The following CNTN4 variants were observed in gnomAD, a reference collection of about 807,000 sequenced individuals.
CNTN4 encodes contactin 4, also known as contactin-4.
CNTN4 carries 77 observed loss-of-function variants against 122.5 expected under a neutral mutation model. The ratio of observed to expected loss-of-function variants is 0.63; its 90% CI spans 0.52 to 0.76. The LOEUF is 0.76. Among genes scored for constraint, CNTN4 ranks in the 30% least tolerant of loss-of-function variants. The pLI is 0.00. For synonymous variants in CNTN4, 512 were observed against 447.0 expected, an observed-to-expected ratio of 1.15 and a Z score of -1.83; for missense variants, 1,256 against 1,259.1, an observed-to-expected ratio of 1.00 and a Z score of 0.04.
At position 2,166,797 on chromosome 3, in the gene CNTN4, AACATT is replaced by A. The variant is rs2036212418; in HGVS notation, c.-145+66161_-145+66165del. On this transcript the variant is annotated intron_variant, in intron 2 of 24. Transcript: ENST00000418658. ...GTTTAGTCATTGAGATTGATGGAGA[AACATT>A]ACTTACATATGCTTATATATTTAAA... Among the ~76,000 whole-genome samples the A allele has an allele frequency of 2.0e-5, 3 of 152,164 alleles. No homozygotes were observed. The South Asian group carries it at 6.2e-4, about 32-fold the overall frequency.
At chr3:2,895,750 A>AG (rs2094102016) in intron 10 of CNTN4, among the ~76,000 whole-genome samples, 1 of 152,054 alleles carries the variant, frequency 6.6e-6, no homozygotes, top group Non-Finnish European at 1.5e-5. Flanking sequence ...AATCAAAAGG[A>AG]GGGGCTGGGC....
intron 14 of CNTN4, among the ~76,000 whole-genome samples, chr3:3,000,899 T>G (rs1695972334): frequency 6.7e-6 from 1 of 149,384 alleles, no homozygotes; most frequent in Non-Finnish European, 1.5e-5. Flanking sequence ...TTTTTTTTGC[T>G]TTCAATGTGA....
At chr3:2,961,872 T>C (rs369619539) in intron 13 of CNTN4, among the ~76,000 whole-genome samples, 10 of 152,306 alleles carry the variant, frequency 6.6e-5, no homozygotes, top group African/African-American at 1.9e-4. Context: ...AGAAAGTGTG[T>C]CTTAACTTCT....
intron 3 of CNTN4, among the ~76,000 whole-genome samples, chr3:2,563,002 A>G (rs2079022212): frequency 6.6e-6 from 1 of 152,146 alleles, no homozygotes. Context: ...TGCTGGGATT[A>G]TAGGTGTGAG....
intron 12 of CNTN4, among the ~76,000 whole-genome samples, chr3:2,922,752 C>G (rs976551088): frequency 2.0e-5 from 3 of 151,388 alleles, no homozygotes; most frequent in Non-Finnish European, 4.4e-5. Context: ...AGTTGGATTA[C>G]AGAGGTGCAA....
chr3:2,310,835 A>G (rs2042887740), intron 2 of CNTN4, among the ~76,000 whole-genome samples: 1 of 152,146 alleles, frequency 6.6e-6, no homozygotes, highest in Non-Finnish European at 1.5e-5. Flanking sequence ...TTGCATTTGA[A>G]TACTGAAAAA....
chr3:2,303,629 G>C (rs2042602218), intron 2 of CNTN4, among the ~76,000 whole-genome samples: 1 of 152,136 alleles, frequency 6.6e-6, no homozygotes. Context: ...GACCACAGCT[G>C]TCTGTTATCT....
chr3:2,837,626 G>T (rs1219286796), intron 7 of CNTN4, among the ~76,000 whole-genome samples: 2 of 152,186 alleles, frequency 1.3e-5, no homozygotes, highest in African/African-American at 2.4e-5. Flanking sequence ...AATTGCTTGA[G>T]GGGGAGTGCA....
intron 4 of CNTN4, among the ~76,000 whole-genome samples, chr3:2,686,196 G>C (rs13087689): frequency 0.48 from 73,123 of 151,604 alleles, 20,290 homozygotes; most frequent in Non-Finnish European, 0.62. Flanking sequence ...AGTGCTGTAG[G>C]GGAAGCTAGC....
intron 3 of CNTN4, among the ~76,000 whole-genome samples, chr3:2,500,587 A>G (rs1351750689): frequency 2.0e-5 from 3 of 151,954 alleles, no homozygotes; most frequent in Non-Finnish European, 4.4e-5. Flanking sequence ...TTTTCTCTCC[A>G]TCTTGGGTAT....
intron 6 of CNTN4, among the ~76,000 whole-genome samples, chr3:2,816,801 CAGAG>C (rs1172856952): frequency 9.5e-6 from 1 of 105,368 alleles, no homozygotes; most frequent in Non-Finnish European, 1.7e-5. Context: ...AGTCTGGCAA[CAGAG>C]TGAGACTCTG....
chr3:2,536,623 T>C (rs1288728628), intron 3 of CNTN4, among the ~76,000 whole-genome samples: 1 of 151,724 alleles, frequency 6.6e-6, no homozygotes, highest in Non-Finnish European at 1.5e-5. Context: ...TGGATCTTAC[T>C]TTATTTCCTA....
chr3:2,171,748 A>C (rs1335891366), intron 2 of CNTN4, among the ~76,000 whole-genome samples: 1 of 152,196 alleles, frequency 6.6e-6, no homozygotes, highest in Non-Finnish European at 1.5e-5. Context: ...ATCAAAAACC[A>C]TGAAAGACAA....
intron 23 of CNTN4, among the ~76,000 whole-genome samples, chr3:3,049,439 C>T (rs967882825): frequency 3.9e-5 from 6 of 152,168 alleles, no homozygotes; most frequent in African/African-American, 7.2e-5. Flanking sequence ...GCTAGTTTTA[C>T]GGATGAAGAG....
intron 4 of CNTN4, among the ~76,000 whole-genome samples, chr3:2,615,632 C>A (rs1162008417): frequency 6.6e-6 from 1 of 151,564 alleles, no homozygotes; most frequent in Non-Finnish European, 1.5e-5. Flanking sequence ...ATTTATATAC[C>A]CTAAAGTATA....
chr3:2,199,562 A>T (rs888729669), intron 2 of CNTN4, among the ~76,000 whole-genome samples: 1 of 152,200 alleles, frequency 6.6e-6, no homozygotes, highest in Non-Finnish European at 1.5e-5. Flanking sequence ...ATTCGTTATT[A>T]TTTAATGCTT....
At chr3:2,991,519 G>C (rs1377874401) in intron 14 of CNTN4, among the ~76,000 whole-genome samples, 1 of 152,086 alleles carries the variant, frequency 6.6e-6, no homozygotes, top group Non-Finnish European at 1.5e-5. Flanking sequence ...TGTTACTTTA[G>C]ATAAGGTCAG....
chr3:2,271,494 A>T (rs11129076), intron 2 of CNTN4, among the ~76,000 whole-genome samples: 77,791 of 151,934 alleles, frequency 0.51, 20,875 homozygotes, highest in South Asian at 0.65. Flanking sequence ...TTTGTTAAAT[A>T]GGGATAATAA....
chr3:2,815,299 G>C (rs2092701195), intron 6 of CNTN4, among the ~76,000 whole-genome samples: 1 of 152,096 alleles, frequency 6.6e-6, no homozygotes, highest in South Asian at 2.1e-4. Context: ...AGAGTGAACG[G>C]ACAACCCACA....
Sources: gnomAD v4.1 joint callset for allele counts (sites outside exome capture counted in the v4.1 genomes callset) on GRCh38, gnomAD v4.1.1 for gene constraint, MANE v1.5 for transcripts, NCBI Gene and HGNC (gene_info 2026-07-23, HGNC 2026-07-21) for gene names.